PHF7: variants seen among roughly 807,000 people sequenced by gnomAD.
The protein encoded by PHF7 is E3 ubiquitin-protein ligase PHF7.
PHF7 carries 24 observed loss-of-function variants against 47.5 expected under a neutral mutation model. That is an observed-to-expected ratio of 0.51 (90% CI 0.37 to 0.71). The LOEUF is 0.71. Among genes scored for constraint, PHF7 ranks in the 30% least tolerant of loss-of-function variants. The pLI is 0.00. For missense variants in PHF7, 361 were observed against 456.8 expected (o/e 0.79, Z 1.91); for synonymous variants, 156 against 153.8 (o/e 1.01, Z -0.11).
In PHF7 at chr3:52,423,154, A is replaced by G. The variant is rs780468872; in HGVS notation, c.983A>G (p.His328Arg). Residue 328 changes from histidine (H) to arginine (R), a missense_variant, in exon 11 of 11, where the codon CAT becomes CGT. Transcript: ENST00000327906. Reference protein sequence around the residue: ...CCSSTFHPEEHFCRDNTLEEN... With the variant: ...CCSSTFHPEERFCRDNTLEEN... ...AGCAGCACCTTCCACCCTGAGGAAC[A>G]TTTCTGCAGAGACAACACCTTGGAA... 4 of 1,614,068 alleles carry G rather than the reference A, an allele frequency of 2.5e-6. No individual in the cohort carries two copies. The highest frequency in any genetic ancestry group is 3.4e-6 in the Non-Finnish European group (4 of 1,179,930).
At chr3:52,421,551 T>C (rs976367080) in intron 7 of PHF7, 97 bp from the exon 8 acceptor site, 5 of 775,736 alleles carry the variant, frequency 6.4e-6, no homozygotes, top group Non-Finnish European at 6.9e-6. Context: ...TCAAACTCTC[T>C]TAGCAACATC....
intron 3 of PHF7, 27 bp from the exon 4 acceptor site, chr3:52,414,469 C>G: frequency 7.1e-7 from 1 of 1,399,214 alleles, no homozygotes; most frequent in Non-Finnish European, 1.0e-6. Context: ...TCAATTTGAG[C>G]CAAATTCTGG....
intron 4 of PHF7, 57 bp from the exon 5 acceptor site, chr3:52,419,776 C>T: frequency 1.0e-6 from 1 of 962,248 alleles, no homozygotes; most frequent in Non-Finnish European, 1.6e-6. Context: ...CTCCTCACCT[C>T]ACTGCACTGT....
intron 8 of PHF7, 25 bp from the exon 9 acceptor site, chr3:52,422,197 T>C: frequency 2.7e-6 from 4 of 1,468,086 alleles, no homozygotes; most frequent in South Asian, 1.1e-5. Context: ...TATGTTCTTA[T>C]TCACTGTTTC....
chr3:52,411,667 A>G (rs1281841734), intron 1 of PHF7, among the ~76,000 whole-genome samples: 3 of 152,200 alleles, frequency 2.0e-5, no homozygotes, highest in African/African-American at 7.2e-5. Context: ...CCCTGACTAG[A>G]CAGTCCTTGC....
rs184945402 is a variant in PHF7, at chr3:52,422,057, A to G, written c.681-165A>G. 2.2e-5 allele frequency: 15 copies of G among 672,168 alleles called. 2 individuals carry two copies. In the East Asian group the frequency reaches 3.3e-4, roughly 15 times the overall value. 41.6% of individuals were successfully genotyped at this position (672,168 alleles called of 1,614,324 possible). On this transcript the variant is annotated intron_variant, in intron 8 of 10. Transcript: ENST00000327906. ...TGCATGTTCCATTCATCCTGCTTCA[A>G]CCCTCTCCCACTGCCAGGCCACTTG...
chr3:52,422,220 A>G lies in PHF7; in HGVS notation c.681-2A>G. ...TATTCACTGTTTCTTCTCCCACTGC[A>G]GAGATGCTGCCTGGGAACTCGAGCC... On this transcript the variant is annotated splice_acceptor_variant, in intron 8 of 10. Coordinates refer to ENST00000327906, the MANE Select transcript of PHF7 (RefSeq NM_016483.7). LOFTEE classifies it high-confidence loss of function. 1 of 1,593,858 alleles carries G rather than the reference A, an allele frequency of 6.3e-7. No homozygotes were observed.
At chr3:52,422,395 C>T in intron 9 of PHF7, 57 bp downstream of exon 9, 2 of 1,085,288 alleles carry the variant, frequency 1.8e-6, no homozygotes, top group Non-Finnish European at 2.9e-6. Context: ...TAGAGTTAGA[C>T]CTTGGCACAG....
chr3:52,422,058 C>T, intron 8 of PHF7, 164 bp from the exon 9 acceptor site: 1 of 673,848 alleles, frequency 1.5e-6, no homozygotes, highest in African/African-American at 1.8e-5. Context: ...CCTGCTTCAA[C>T]CCTCTCCCAC....
intron 4 of PHF7, among the ~76,000 whole-genome samples, chr3:52,418,722 C>G (rs1023151191): frequency 1.3e-5 from 2 of 152,100 alleles, no homozygotes; most frequent in Non-Finnish European, 2.9e-5. Context: ...GTCCTATAAC[C>G]CTGGGAGGCA....
In PHF7 at chr3:52,412,673, C is replaced by T. The variant is rs1010045032; in HGVS notation, c.-69-138C>T. 29 of 571,606 alleles carry T rather than the reference C, an allele frequency of 5.1e-5. No individual in the cohort carries two copies. In the South Asian group the frequency reaches 6.1e-4, roughly 12 times the overall value. The allele number at this position is 571,606 out of a possible 1,614,324, so 35.4% of individuals were successfully genotyped here. A position where few individuals can be genotyped will look rare whatever the true frequency, so the allele number is the denominator to read the frequency against. Reference sequence around the variant, plus strand: ...TGCATGGCGTGTTTGTGAGTTAACACATGTCAAGTACCTAGAACAGTCCCT... The same window carrying T: ...TGCATGGCGTGTTTGTGAGTTAACATATGTCAAGTACCTAGAACAGTCCCT... On this transcript the variant is annotated intron_variant, in intron 1 of 10. Coordinates refer to ENST00000327906, the MANE Select transcript of PHF7 (RefSeq NM_016483.7).
chr3:52,418,932 C>G (rs980094543), intron 4 of PHF7, among the ~76,000 whole-genome samples: 1 of 151,724 alleles, frequency 6.6e-6, no homozygotes, highest in Non-Finnish European at 1.5e-5. Context: ...CTCAGCCTCC[C>G]GAGTAGCTGG....
intron 2 of PHF7, 132 bp from the exon 3 acceptor site, chr3:52,413,864 A>C: frequency 1.5e-6 from 1 of 669,774 alleles, no homozygotes; most frequent in Non-Finnish European, 2.7e-6. Flanking sequence ...ATATGAAAAG[A>C]AGCTGATGTC....
intron 4 of PHF7, among the ~76,000 whole-genome samples, chr3:52,416,447 G>A (rs1705627943): frequency 6.6e-6 from 1 of 151,002 alleles, no homozygotes; most frequent in Non-Finnish European, 1.5e-5. Context: ...GCCTCCCAAA[G>A]TGCTGGGATT....
intron 4 of PHF7, among the ~76,000 whole-genome samples, chr3:52,417,715 A>G (rs1705666239): frequency 6.6e-6 from 1 of 152,204 alleles, no homozygotes; most frequent in African/African-American, 2.4e-5. Flanking sequence ...GCACATAACC[A>G]TGTCATGTGT....
intron 7 of PHF7, among the ~76,000 whole-genome samples, chr3:52,421,379 G>A (rs1340325582): frequency 6.6e-6 from 1 of 152,204 alleles, no homozygotes; most frequent in African/African-American, 2.4e-5. Context: ...AGGGAAACAT[G>A]TATCCAGGTG....
rs781310161 is a variant in PHF7, at chr3:52,421,719, A to G, written c.645A>G (p.Gln215=). 1.9e-6 allele frequency: 3 copies of G among 1,603,574 alleles called. No individual in the cohort carries two copies. The highest frequency in any genetic ancestry group is 2.6e-6 in the Non-Finnish European group (3 of 1,170,436). The part of the protein sequence containing the change: ...PQCNNRKEFP[Q]EMLRMGIHIP... ...GTAACAATCGAAAAGAGTTTCCTCA[A>G]GAAATGCTGAGAATGGGAATTCATA... The change falls in exon 8 of 11, where the codon CAA becomes CAG. Residue 215 remains glutamine (Q), a synonymous_variant. Transcript: ENST00000327906.
At position 52,423,136 on chromosome 3, in the gene PHF7, C is replaced by A. The variant is rs764434248; in HGVS notation, c.965C>A (p.Thr322Asn). 4.3e-6 allele frequency: 7 copies of A among 1,614,028 alleles called. No individual in the cohort carries two copies. In the South Asian group the frequency reaches 6.6e-5, roughly 15 times the overall value. Reference sequence around the variant, plus strand: ...GGGGACATCCCTTGCTGCAGCAGCACCTTCCACCCTGAGGAACATTTCTGC... The same window carrying A: ...GGGGACATCCCTTGCTGCAGCAGCAACTTCCACCCTGAGGAACATTTCTGC... The part of the protein sequence containing the change: ...NSGDIPCCSS[T>N]FHPEEHFCRD... Residue 322 changes from threonine (T) to asparagine (N), a missense_variant, in exon 11 of 11, where the codon ACC (threonine) becomes AAC (asparagine). Thr to Asn is a moderately conservative substitution (Grantham distance 65). Transcript: ENST00000327906.
intron 4 of PHF7, among the ~76,000 whole-genome samples, chr3:52,416,188 G>GTT (rs1010028983): frequency 1.6e-4 from 22 of 137,912 alleles, no homozygotes; most frequent in South Asian, 2.3e-4. Flanking sequence ...TGGTTTTTTG[G>GTT]TTTTTTTTTT....
Sources: allele counts gnomAD v4.1 joint callset (sites outside exome capture counted in the v4.1 genomes callset), GRCh38; gene constraint gnomAD v4.1.1; transcripts MANE v1.5; gene names NCBI Gene and HGNC (gene_info 2026-07-23, HGNC 2026-07-21).